The following RSPH14 variants were observed in gnomAD, a reference collection of about 807,000 sequenced individuals.
The protein encoded by RSPH14 is radial spoke head 14 homolog.
In RSPH14, 20 loss-of-function variants were observed where a neutral mutation model predicts 26.7. The ratio of observed to expected loss-of-function variants is 0.75; its 90% CI spans 0.53 to 1.09. RSPH14 has a LOEUF of 1.09. Ranked by LOEUF, RSPH14 falls within the 50% of genes least tolerant of loss-of-function variation. RSPH14 has a pLI of 0.00. For missense variants in RSPH14, 449 were observed against 457.2 expected (o/e 0.98, Z 0.16); for synonymous variants, 177 against 189.3 (o/e 0.93, Z 0.53).
chr22:23,161,602 A>C, the RSPH14 span: 1 of 1,513,864 alleles, frequency 6.6e-7, no homozygotes, highest in Non-Finnish European at 9.0e-7. Flanking sequence ...CCCTGCACAC[A>C]CACGGACAGG....
intron 4 of RSPH14, among the ~76,000 whole-genome samples, chr22:23,087,650 C>A (rs966531417): frequency 6.6e-6 from 1 of 152,196 alleles, no homozygotes; most frequent in Non-Finnish European, 1.5e-5. Flanking sequence ...TTAAGGATAA[C>A]TTGGTGGATG....
chr22:23,157,730 C>T, the RSPH14 span, among the ~76,000 whole-genome samples: 1 of 152,228 alleles, frequency 6.6e-6, no homozygotes, highest in Non-Finnish European at 1.5e-5. Flanking sequence ...CGCTAAAGCC[C>T]ATGCGCTCGC....
chr22:23,146,742 C>T (rs1335488797), upstream of RSPH14: 3 of 1,599,294 alleles, frequency 1.9e-6, no homozygotes, highest in African/African-American at 1.3e-5. Context: ...ATCAGCTCTC[C>T]CCACTCTACA....
At chr22:23,078,982 C>T (rs1366287751) in intron 4 of RSPH14, among the ~76,000 whole-genome samples, 2 of 152,184 alleles carry the variant, frequency 1.3e-5, no homozygotes, top group Non-Finnish European at 2.9e-5. Context: ...CAGAAGTCCC[C>T]AACTATCCCC....
At chr22:23,097,635 C>T (rs1226681703) in intron 4 of RSPH14, among the ~76,000 whole-genome samples, 1 of 152,266 alleles carries the variant, frequency 6.6e-6, no homozygotes, top group African/African-American at 2.4e-5. Flanking sequence ...TATCTGTGTG[C>T]TCTCCAGGGT....
intron 4 of RSPH14, among the ~76,000 whole-genome samples, chr22:23,079,124 C>T (rs565971998): frequency 2.4e-4 from 37 of 152,352 alleles, no homozygotes; most frequent in South Asian, 6.2e-4. Flanking sequence ...CCAACAGTCC[C>T]TGCCCTATGG....
intron 4 of RSPH14, among the ~76,000 whole-genome samples, chr22:23,088,741 C>T (rs2068884039): frequency 1.3e-5 from 2 of 152,180 alleles, no homozygotes; most frequent in Non-Finnish European, 2.9e-5. Context: ...CTAGAGAGTC[C>T]TGCAGGTTCA....
intron 4 of RSPH14, among the ~76,000 whole-genome samples, chr22:23,130,725 AAC>A (rs1311989492): frequency 6.6e-6 from 1 of 152,228 alleles, no homozygotes; most frequent in African/African-American, 2.4e-5. Context: ...CAACAGAATG[AAC>A]ACACTCTCTC....
At chr22:23,159,315 G>T in the RSPH14 span, 2 of 1,455,010 alleles carry the variant, frequency 1.4e-6, no homozygotes, top group Non-Finnish European at 9.3e-7. Context: ...CAGTCCTGTG[G>T]GGCCTGCCAT....
chr22:23,104,520 G>A (rs776403835), intron 4 of RSPH14, among the ~76,000 whole-genome samples: 6 of 152,198 alleles, frequency 3.9e-5, no homozygotes, highest in South Asian at 2.1e-4. Context: ...TTTCCTGAGC[G>A]CATTAGCTCT....
At position 23,059,671 on chromosome 22, in the gene RSPH14, G is replaced by T; in HGVS notation, c.838C>A (p.Leu280Met). Residue 280 changes from leucine (L) to methionine (M), a missense_variant, in exon 7 of 7, where the codon CTG (leucine) becomes ATG (methionine). Leu to Met is a conservative substitution (Grantham distance 15, BLOSUM62 2). Transcript: ENST00000216036. ...GCTATGGTCATGGGGGAGTGCAGCA[G>T]CTCCAGGAGCAGGCCGATGGCTTGT... The part of the protein sequence containing the change: ...EAQAIGLLLE[L>M]LHSPMTIARL... The T allele has an allele frequency of 1.3e-6, 2 of 1,575,476 alleles. No homozygotes were observed. Among genetic ancestry groups the T allele is most frequent in the South Asian group, 1.1e-5 (1 of 87,172 alleles).
At chr22:23,135,317 C>CAAAAAAAAAAAAAAAAA (rs55649510) in intron 3 of RSPH14, among the ~76,000 whole-genome samples, 1 of 85,890 alleles carries the variant, frequency 1.2e-5, no homozygotes, top group African/African-American at 4.6e-5. Flanking sequence ...ACTAAAAATA[C>CAAAAAAAAAAAAAAAAA]AAAAAAAAAA....
chr22:23,106,145 C>A (rs1236596738), intron 4 of RSPH14, among the ~76,000 whole-genome samples: 1 of 152,240 alleles, frequency 6.6e-6, no homozygotes, highest in African/African-American at 2.4e-5. Flanking sequence ...GGCTCTGCCT[C>A]CTCAGCAACT....
chr22:23,138,966 C>T (rs758431184), intron 2 of RSPH14, 24 bp from the exon 3 acceptor site: 2 of 1,478,196 alleles, frequency 1.4e-6, no homozygotes, highest in South Asian at 2.5e-5. Context: ...AAAAAACAAA[C>T]AAACCAACCC....
chr22:23,151,755 A>C, the RSPH14 span, among the ~76,000 whole-genome samples: 38 of 152,342 alleles, frequency 2.5e-4, no homozygotes, highest in Non-Finnish European at 5.1e-4. Flanking sequence ...ACGCCTCTGC[A>C]CAGAGTGTAG....
At chr22:23,150,308 T>TC in the RSPH14 span, among the ~76,000 whole-genome samples, 12 of 149,430 alleles carry the variant, frequency 8.0e-5, no homozygotes, top group Non-Finnish European at 1.6e-4. Flanking sequence ...TTTTTTCTTT[T>TC]TTTTTTTTTT....
intron 4 of RSPH14, among the ~76,000 whole-genome samples, chr22:23,091,508 A>T (rs2068975294): frequency 6.6e-6 from 1 of 150,862 alleles, no homozygotes; most frequent in African/African-American, 2.4e-5. Context: ...ACCTATGCAT[A>T]CATGCACACA....
rs559724641 is a variant in RSPH14, at chr22:23,081,770, C to T, written c.422-17637G>A. Among the ~76,000 whole-genome samples, 38 of 141,338 alleles carry T rather than the reference C, an allele frequency of 2.7e-4. No homozygotes were observed. In the South Asian group the frequency reaches 6.0e-3, roughly 22 times the overall value. The allele number at this position is 141,338 out of a possible 152,430, so 92.7% of individuals were successfully genotyped here. A position where few individuals can be genotyped will look rare whatever the true frequency, so the allele number is the denominator to read the frequency against. ...CCAGCAGATGGAAGTTGCAGTGAGCCGAGATCGTGCCACTGCATTCCAGCC... is the reference window on the plus strand; with the variant it reads ...CCAGCAGATGGAAGTTGCAGTGAGCTGAGATCGTGCCACTGCATTCCAGCC... On this transcript the variant is annotated intron_variant, in intron 4 of 6. Transcript: ENST00000216036.
intron 4 of RSPH14, among the ~76,000 whole-genome samples, chr22:23,090,821 T>C (rs2068950317): frequency 6.6e-6 from 1 of 152,184 alleles, no homozygotes. Flanking sequence ...TTGCTGCTTA[T>C]TTACTGCCTG....
Sources: gnomAD v4.1 joint callset for allele counts (sites outside exome capture counted in the v4.1 genomes callset) on GRCh38, gnomAD v4.1.1 for gene constraint, MANE v1.5 for transcripts, NCBI Gene and HGNC (gene_info 2026-07-23, HGNC 2026-07-21) for gene names.